PALM2AKAP2: variants seen among roughly 807,000 people sequenced by gnomAD.
The protein encoded by PALM2AKAP2 is PALM2 and AKAP2 fusion.
PALM2AKAP2 carries 37 observed loss-of-function variants against 71.5 expected under a neutral mutation model. The ratio of observed to expected loss-of-function variants is 0.52; its 90% CI spans 0.40 to 0.68. The LOEUF (loss-of-function observed/expected upper bound fraction) is 0.68. Among genes scored for constraint, PALM2AKAP2 ranks in the 30% least tolerant of loss-of-function variants. The pLI is 0.00. For missense variants in PALM2AKAP2, 1,224 were observed against 1,191.8 expected (o/e 1.03, Z -0.40); for synonymous variants, 468 against 478.8 (o/e 0.98, Z 0.29).
chr9:109,802,653 G>A (rs570443632), intron 1 of PALM2AKAP2, among the ~76,000 whole-genome samples: 178 of 152,198 alleles, frequency 1.2e-3, no homozygotes, highest in Non-Finnish European at 2.1e-3. Flanking sequence ...GAGAGAGGAT[G>A]AAGAGGCACA....
chr9:109,814,087 C>T (rs1301727325), intron 1 of PALM2AKAP2, among the ~76,000 whole-genome samples: 1 of 152,216 alleles, frequency 6.6e-6, no homozygotes, highest in Non-Finnish European at 1.5e-5. Flanking sequence ...GACTCATTCT[C>T]CAGCTCCCAC....
At chr9:109,752,702 A>T (rs1828902473) in intron 1 of PALM2AKAP2, among the ~76,000 whole-genome samples, 1 of 152,152 alleles carries the variant, frequency 6.6e-6, no homozygotes, top group South Asian at 2.1e-4. Context: ...ATTTCCTAAG[A>T]ACAAGAGGAA....
At chr9:110,053,527 C>CGAAA (rs1491439308) in intron 1 of PALM2AKAP2, among the ~76,000 whole-genome samples, 2 of 82,876 alleles carry the variant, frequency 2.4e-5, no homozygotes, top group African/African-American at 4.6e-5. Flanking sequence ...AACTCTGTCT[C>CGAAA]AAAAAAAAAA....
chr9:109,749,965 G>T (rs954489110), intron 1 of PALM2AKAP2, among the ~76,000 whole-genome samples: 1 of 152,158 alleles, frequency 6.6e-6, no homozygotes, highest in Non-Finnish European at 1.5e-5. Context: ...GCTCTGGGCT[G>T]GTAGACATCA....
intron 1 of PALM2AKAP2, among the ~76,000 whole-genome samples, chr9:110,131,572 A>G (rs557307692): frequency 1.3e-5 from 2 of 152,298 alleles, no homozygotes; most frequent in East Asian, 1.9e-4. Flanking sequence ...TTCCTGCCTA[A>G]TCCGGATAGG....
At chr9:109,865,799 C>T (rs1269992396) in intron 1 of PALM2AKAP2, among the ~76,000 whole-genome samples, 1 of 152,148 alleles carries the variant, frequency 6.6e-6, no homozygotes, top group African/African-American at 2.4e-5. Flanking sequence ...TGACAAAGTC[C>T]AGTAAGTCTA....
At position 109,986,997 on chromosome 9, in the gene PALM2AKAP2, T is replaced by C. The variant is rs147252670; in HGVS notation, c.497-28957T>C. ...TGAGTAATCATTTACAGAAACATAATGTAGTGGACATTCAATAATAAACTA... is the reference window on the plus strand; with the variant it reads ...TGAGTAATCATTTACAGAAACATAACGTAGTGGACATTCAATAATAAACTA... On this transcript the variant is annotated intron_variant, in intron 6 of 9. Coordinates refer to the PALM2AKAP2 transcript ENST00000302798. Among the ~76,000 whole-genome samples the C allele has an allele frequency of 9.3e-3, 1,411 of 152,348 alleles. 19 individuals carry two copies. The highest frequency in any genetic ancestry group is 0.032 in the African/African-American group (1,334 of 41,582).
intron 1 of PALM2AKAP2, among the ~76,000 whole-genome samples, chr9:109,685,922 A>C (rs575762929): frequency 6.6e-6 from 1 of 152,236 alleles, no homozygotes; most frequent in South Asian, 2.1e-4. Context: ...CTGCCTTGTA[A>C]ACTAAGTTTA....
chr9:110,126,979 C>T (rs1835621126), intron 1 of PALM2AKAP2, among the ~76,000 whole-genome samples: 1 of 152,210 alleles, frequency 6.6e-6, no homozygotes. Flanking sequence ...GGTCAAGACA[C>T]AGGGAAGCCT....
intron 1 of PALM2AKAP2, among the ~76,000 whole-genome samples, chr9:110,099,249 C>T (rs1482717555): frequency 6.6e-6 from 1 of 152,170 alleles, no homozygotes; most frequent in Non-Finnish European, 1.5e-5. Context: ...GAAATAGAAA[C>T]CATGGTGCAT....
At chr9:109,787,639 G>A (rs1827004909) in intron 1 of PALM2AKAP2, among the ~76,000 whole-genome samples, 1 of 152,186 alleles carries the variant, frequency 6.6e-6, no homozygotes, top group Non-Finnish European at 1.5e-5. Context: ...TCTCAGTTAA[G>A]ATGCAGTTAA....
chr9:109,885,232 A>G (rs1829938371), intron 3 of PALM2AKAP2, among the ~76,000 whole-genome samples: 1 of 152,192 alleles, frequency 6.6e-6, no homozygotes, highest in Non-Finnish European at 1.5e-5. Context: ...GGAAGGGCGA[A>G]TGTTGTTCCT....
At chr9:109,693,702 C>T (rs1203380233) in intron 1 of PALM2AKAP2, among the ~76,000 whole-genome samples, 1 of 151,830 alleles carries the variant, frequency 6.6e-6, no homozygotes, top group East Asian at 1.9e-4. Flanking sequence ...TTTTTTGATT[C>T]ATGCATTATT....
intron 1 of PALM2AKAP2, among the ~76,000 whole-genome samples, chr9:109,857,968 T>G (rs1156568373): frequency 6.6e-6 from 1 of 152,248 alleles, no homozygotes; most frequent in Non-Finnish European, 1.5e-5. Flanking sequence ...TGTTGTTGCA[T>G]GAGTAAATTG....
At chr9:110,025,445 T>C in intron 7 of PALM2AKAP2, 2 of 668,812 alleles carry the variant, frequency 3.0e-6, no homozygotes, top group South Asian at 1.7e-5. Flanking sequence ...TTTGAGGTTG[T>C]TTCTACCTTC....
intron 1 of PALM2AKAP2, among the ~76,000 whole-genome samples, chr9:109,710,080 A>G (rs1040098724): frequency 6.6e-6 from 1 of 152,222 alleles, no homozygotes; most frequent in African/African-American, 2.4e-5. Flanking sequence ...CTACAAGCCA[A>G]GGAATGCCAA....
intron 2 of PALM2AKAP2, among the ~76,000 whole-genome samples, chr9:109,874,750 C>T (rs1376103204): frequency 6.6e-6 from 1 of 152,178 alleles, no homozygotes; most frequent in East Asian, 1.9e-4. Context: ...CTACTCTTCC[C>T]TGTCTCCAGT....
rs138304789 is a variant in PALM2AKAP2, at chr9:109,769,665, T to C, written c.6-10823T>C. Among the ~76,000 whole-genome samples the C allele has an allele frequency of 2.7e-3, 410 of 152,324 alleles. 7 individuals are homozygous for C. Among genetic ancestry groups the C allele is most frequent in the African/African-American group, 8.7e-3 (361 of 41,572 alleles). On this transcript the variant is annotated intron_variant, in intron 1 of 6. Transcript: ENST00000374531. ...GTGGATTTTTAATATTGGAGGATAT[T>C]TGTGAAGGTGCCTGATGAGATGGAC...
chr9:109,941,290 G>A (rs943992115), intron 6 of PALM2AKAP2, among the ~76,000 whole-genome samples: 1 of 151,920 alleles, frequency 6.6e-6, no homozygotes, highest in Non-Finnish European at 1.5e-5. Flanking sequence ...AGAGCAAGAA[G>A]ACAGAAGTGT....
Sources: gnomAD v4.1 joint callset for allele counts (sites outside exome capture counted in the v4.1 genomes callset) on GRCh38, gnomAD v4.1.1 for gene constraint, MANE v1.5 for transcripts, NCBI Gene and HGNC (gene_info 2026-07-23, HGNC 2026-07-21) for gene names.